Variants in COL24A1 observed in about 807,000 individuals in gnomAD.
COL24A1 encodes the protein collagen type XXIV alpha 1 chain.
In COL24A1, 224 loss-of-function variants were observed where a neutral mutation model predicts 253.9. That is an observed-to-expected ratio of 0.88 (90% CI 0.79 to 0.99). COL24A1 has a LOEUF of 0.99. Among genes scored for constraint, COL24A1 ranks in the 50% least tolerant of loss-of-function variants. The pLI, the probability that COL24A1 is intolerant of heterozygous loss-of-function variation, is 0.00. For synonymous variants in COL24A1, 685 were observed against 673.7 expected, an observed-to-expected ratio of 1.02 and a Z score of -0.26; for missense variants, 2,131 against 2,068.5, an observed-to-expected ratio of 1.03 and a Z score of -0.59.
intron 28 of COL24A1, among the ~76,000 whole-genome samples, chr1:85,900,358 G>C (rs2102836866): frequency 6.6e-6 from 1 of 152,236 alleles, no homozygotes; most frequent in Middle Eastern, 3.4e-3. Flanking sequence ...TACACTACTG[G>C]GCTGAGTATG....
At chr1:85,801,722 A>T (rs1033913105) in intron 47 of COL24A1, among the ~76,000 whole-genome samples, 2 of 152,228 alleles carry the variant, frequency 1.3e-5, no homozygotes, top group African/African-American at 4.8e-5. Context: ...CTCTGACTAA[A>T]GCATGCATGT....
chr1:86,149,536 A>C (rs547833881), intron 1 of COL24A1, among the ~76,000 whole-genome samples: 1 of 152,212 alleles, frequency 6.6e-6, no homozygotes, highest in African/African-American at 2.4e-5. Flanking sequence ...CTTAAGTATA[A>C]AGTTGAATGT....
intron 19 of COL24A1, among the ~76,000 whole-genome samples, chr1:86,002,370 G>C (rs1038657764): frequency 1.3e-5 from 2 of 152,198 alleles, no homozygotes; most frequent in African/African-American, 2.4e-5. Context: ...CAGCTGCTTT[G>C]TCAGATGTAG....
chr1:85,961,212 C>G, intron 24 of COL24A1, 37 bp downstream of exon 24: 1 of 1,456,894 alleles, frequency 6.9e-7, no homozygotes, highest in Non-Finnish European at 9.6e-7. Flanking sequence ...AAAATGCTTA[C>G]AGCTGATTAA....
At chr1:85,737,304 T>C in intron 58 of COL24A1, 92 bp downstream of exon 58, 1 of 713,502 alleles carries the variant, frequency 1.4e-6, no homozygotes, top group Non-Finnish European at 2.2e-6. Flanking sequence ...TTCTTAAAAT[T>C]CATAATTATT....
intron 3 of COL24A1, among the ~76,000 whole-genome samples, chr1:86,121,725 C>A (rs1364758235): frequency 6.6e-6 from 1 of 151,886 alleles, no homozygotes; most frequent in African/African-American, 2.4e-5. Flanking sequence ...TAATAAATAC[C>A]ATTCATCATC....
chr1:85,781,226 A>T lies in COL24A1; in HGVS notation c.4332T>A (p.Gly1444=). 6.2e-7 allele frequency: 1 copy of T among 1,600,198 alleles called. No individual in the cohort carries two copies. Residue 1444 remains glycine, a synonymous_variant, in exon 52 of 60, where the codon GGT becomes GGA. Coordinates refer to ENST00000370571, the MANE Select transcript of COL24A1 (RefSeq NM_152890.7). ...LGREGIIGPT[G]RTGPRGEKGF... Reference sequence around the variant, plus strand: ...TGTATTATGATAAACTTACAGTTCTACCTGTTGGGCCTATTATACCTTCTC... The same window carrying T: ...TGTATTATGATAAACTTACAGTTCTTCCTGTTGGGCCTATTATACCTTCTC...
chr1:85,904,773 GT>G (rs1479543059), intron 28 of COL24A1, among the ~76,000 whole-genome samples: 1 of 151,968 alleles, frequency 6.6e-6, no homozygotes, highest in African/African-American at 2.4e-5. Flanking sequence ...TTTGTTTGGG[GT>G]TTTCCTGTCC....
At chr1:85,858,540 C>T (rs1057148332) in intron 37 of COL24A1, among the ~76,000 whole-genome samples, 2 of 152,004 alleles carry the variant, frequency 1.3e-5, no homozygotes, top group African/African-American at 4.8e-5. Flanking sequence ...TCAGGTAGTA[C>T]TTCTGTGACC....
At chr1:85,855,465 T>A (rs1284563281) in intron 37 of COL24A1, among the ~76,000 whole-genome samples, 1 of 152,218 alleles carries the variant, frequency 6.6e-6, no homozygotes, top group African/African-American at 2.4e-5. Flanking sequence ...CCTATTGAGA[T>A]GATCATGTGT....
At chr1:86,066,160 A>T (rs1571805882) in intron 7 of COL24A1, among the ~76,000 whole-genome samples, 1 of 149,258 alleles carries the variant, frequency 6.7e-6, no homozygotes, top group Admixed American at 6.7e-5. Flanking sequence ...ATTCCATGGG[A>T]TCCCTGTTTC....
At chr1:85,796,854 C>T (rs149228877) in intron 47 of COL24A1, among the ~76,000 whole-genome samples, 168 of 152,092 alleles carry the variant, frequency 1.1e-3, no homozygotes, top group African/African-American at 3.8e-3. Flanking sequence ...AAATACCTAT[C>T]GCATCTAGAT....
Position 86,017,171 on chromosome 1 carries a change from A to G in COL24A1, c.2290T>C (p.Ser764Pro). The G allele has an allele frequency of 6.3e-7, 1 of 1,592,736 alleles. No homozygotes were observed. The highest frequency in any genetic ancestry group is 8.5e-7 in the Non-Finnish European group (1 of 1,172,506). ...QTGDPGLQGP[S>P]GPPGPEGFPG... is the part of the protein sequence containing the mutation. ...TTTACCTCTGGTCCTGGAGGGCCAG[A>G]TGGTCCTTGGAGTCCTGGGTCACCT... is the stretch of plus-strand genomic sequence containing the variant. The change falls in exon 19 of 60, where the codon TCT becomes CCT. Residue 764 changes from serine (S) to proline (P), a missense_variant. Ser to Pro is a moderately conservative substitution (Grantham distance 74). Coordinates refer to ENST00000370571, the MANE Select transcript of COL24A1 (RefSeq NM_152890.7).
chr1:85,809,760 T>C (rs1006403928), intron 47 of COL24A1, among the ~76,000 whole-genome samples: 17 of 148,256 alleles, frequency 1.1e-4, no homozygotes, highest in South Asian at 2.1e-4. Context: ...TATATATATA[T>C]ACACACACAC....
At chr1:86,107,048 G>A (rs765620087) in intron 5 of COL24A1, among the ~76,000 whole-genome samples, 1 of 152,108 alleles carries the variant, frequency 6.6e-6, no homozygotes, top group Non-Finnish European at 1.5e-5. Flanking sequence ...TAACCACTTT[G>A]TTACTATTAC....
chr1:85,754,832 G>C (rs11485287), intron 55 of COL24A1, among the ~76,000 whole-genome samples: 1 of 152,010 alleles, frequency 6.6e-6, no homozygotes, highest in African/African-American at 2.4e-5. Flanking sequence ...GAGATCTGTA[G>C]GACACTGTCA....
chr1:86,072,505 A>G (rs1287138821), intron 7 of COL24A1, among the ~76,000 whole-genome samples: 1 of 152,152 alleles, frequency 6.6e-6, no homozygotes, highest in African/African-American at 2.4e-5. Context: ...GGACTTATAG[A>G]TAAAACTCCC....
intron 20 of COL24A1, among the ~76,000 whole-genome samples, chr1:85,976,788 T>G (rs1692730378): frequency 6.6e-6 from 1 of 152,042 alleles, no homozygotes; most frequent in Admixed American, 6.6e-5. Context: ...AAGGAAGTAC[T>G]CAAAAATAAC....
chr1:86,037,460 ACT>A (rs1253232828), intron 12 of COL24A1, among the ~76,000 whole-genome samples: 1 of 152,140 alleles, frequency 6.6e-6, no homozygotes, highest in Non-Finnish European at 1.5e-5. Context: ...ACTGTGGGTG[ACT>A]CTGCAAACTC....
Sources: allele counts gnomAD v4.1 joint callset (sites outside exome capture counted in the v4.1 genomes callset), GRCh38; gene constraint gnomAD v4.1.1; transcripts MANE v1.5; gene names NCBI Gene and HGNC (gene_info 2026-07-23, HGNC 2026-07-21).